Variants in LRRC9 observed in about 807,000 individuals in gnomAD.
The protein encoded by LRRC9 is leucine rich repeat containing 9.
Under a neutral mutation model 63.2 loss-of-function variants are expected in LRRC9, and 122 were observed. The observed-to-expected ratio is 1.93, with a 90% confidence interval of 1.67 to 2.24. LRRC9 has a LOEUF of 2.24. LRRC9 is among the 30% of genes most tolerant of loss of function. The pLI, the probability that LRRC9 is intolerant of heterozygous loss-of-function variation, is 0.00. For synonymous variants in LRRC9, 366 were observed against 213.1 expected, an observed-to-expected ratio of 1.72 and a Z score of -6.25; for missense variants, 1,071 against 627.7, an observed-to-expected ratio of 1.71 and a Z score of -7.55.
chr14:59,978,375 ATACATTGAAAC>A (rs1306221829), intron 15 of LRRC9, among the ~76,000 whole-genome samples: 2 of 152,224 alleles, frequency 1.3e-5, no homozygotes, highest in Admixed American at 1.3e-4. Context: ...AAGATTCAAA[ATACATTGAAAC>A]TACATTGAAG....
chr14:60,061,576 T>C (rs1894661251), intron 31 of LRRC9, among the ~76,000 whole-genome samples: 1 of 152,236 alleles, frequency 6.6e-6, no homozygotes, highest in Admixed American at 6.5e-5. Context: ...TGACTCACTT[T>C]ATTGCAATGG....
rs1566902916 is a variant in LRRC9 at position 60,042,551 on chromosome 14, T to TGGGATCCTCCAAGCCAC, written c.3990+10489_3990+10490insGGATCCTCCAAGCCACG. ...CGTGGGCATGGGATCCTCCAAGCCATGCGCGGGATATAATCTCCTGTTGTG... is the reference window on the plus strand; with the variant it reads ...CGTGGGCATGGGATCCTCCAAGCCATGGGATCCTCCAAGCCACGCGCGGGATATAATCTCCTGTTGTG... On this transcript the variant is annotated intron_variant, in intron 29 of 31. Transcript: ENST00000445360. The surrounding 1 kb of genome is among the most constrained non-coding windows in gnomAD (Gnocchi z 4.2). Among the ~76,000 whole-genome samples, 2 of 152,178 alleles carry TGGGATCCTCCAAGCCAC rather than the reference T, an allele frequency of 1.3e-5. No individual in the cohort carries two copies. Among genetic ancestry groups the TGGGATCCTCCAAGCCAC allele is most frequent in the Non-Finnish European group, 2.9e-5 (2 of 68,030 alleles).
rs775667244 is a variant in LRRC9, at chr14:59,936,757, T to C, written c.544-1633T>C. Among the ~76,000 whole-genome samples the C allele has an allele frequency of 2.0e-5, 3 of 152,176 alleles. No homozygotes were observed. Among genetic ancestry groups the C allele is most frequent in the Non-Finnish European group, 4.4e-5 (3 of 68,026 alleles). Reference sequence around the variant, plus strand: ...GCATAGGCTCAGCCCAAGCCTCAGGTCAGACCAGTGAGCCACATTCTCACT... The same window carrying C: ...GCATAGGCTCAGCCCAAGCCTCAGGCCAGACCAGTGAGCCACATTCTCACT... On this transcript the variant is annotated intron_variant, in intron 6 of 31. Transcript: ENST00000445360. This position sits in a 1 kb window ranked among gnomAD's most constrained non-coding sequence, Gnocchi z 4.2.
Position 59,966,635 on chromosome 14 carries a change from G to C in LRRC9, c.1258G>C (p.Asp420His). The change falls in exon 11 of 32, where the codon GAC becomes CAC. Residue 420 changes from aspartate to histidine, a missense_variant. Asp to His is a moderately conservative substitution (Grantham distance 81, BLOSUM62 -1). Transcript: ENST00000445360. This position sits in a 1 kb window ranked among gnomAD's most constrained non-coding sequence, Gnocchi z 4.0. ...AATTCTGTCACGTTTTTGTGCCTGG[G>C]ACTTCAGAACATACGGTATTACAGG... 1.4e-6 allele frequency: 1 copy of C among 692,688 alleles called. No homozygotes were observed. The highest frequency in any genetic ancestry group is 2.7e-5 in the East Asian group (1 of 37,136). 42.9% of individuals were successfully genotyped at this position (692,688 alleles called of 1,614,324 possible).
chr14:59,980,946 A>C (rs1288898638), intron 15 of LRRC9, among the ~76,000 whole-genome samples: 2 of 152,008 alleles, frequency 1.3e-5, no homozygotes, highest in African/African-American at 4.8e-5. Flanking sequence ...GTGATGATTC[A>C]ATTCTTTCTT....
At chr14:59,941,034 C>T (rs1477162534) in intron 7 of LRRC9, among the ~76,000 whole-genome samples, 1 of 151,842 alleles carries the variant, frequency 6.6e-6, no homozygotes, top group Non-Finnish European at 1.5e-5. Flanking sequence ...TTCCCTCTTT[C>T]CCCAAAATCT....
At chr14:60,063,653 A>G (rs778184997), downstream of LRRC9, 20 of 330,844 alleles carry the variant, frequency 6.0e-5, no homozygotes, top group Non-Finnish European at 9.3e-5. Context: ...CAAAAGTGAC[A>G]TGAAACAAAG....
chr14:59,971,371 C>T (rs1427850063), intron 12 of LRRC9, among the ~76,000 whole-genome samples: 1 of 152,112 alleles, frequency 6.6e-6, no homozygotes, highest in African/African-American at 2.4e-5. Flanking sequence ...TTTGATGCCT[C>T]CAGCATTATT....
rs1423472556 is a variant in LRRC9 at position 59,922,155 on chromosome 14, C to G, written c.-34+2272C>G. Among the ~76,000 whole-genome samples, 1 of 151,488 alleles carries G rather than the reference C, an allele frequency of 6.6e-6. No homozygotes were observed. Among genetic ancestry groups the G allele is most frequent in the Non-Finnish European group, 1.5e-5 (1 of 67,838 alleles). ...AAAGCACAAAGTAAGTTTGAAATAA[C>G]AAGTAGAGAGAAGCCAAGGAGAAAA... is the stretch of plus-strand genomic sequence containing the variant. On this transcript the variant is annotated intron_variant, in intron 1 of 31. Coordinates refer to ENST00000445360, the Ensembl canonical transcript of LRRC9. The surrounding 1 kb of genome is among the most constrained non-coding windows in gnomAD (Gnocchi z 5.3).
chr14:60,062,369 A>G (rs1469655407), intron 31 of LRRC9, among the ~76,000 whole-genome samples, 190 bp downstream of exon 32: 1 of 152,202 alleles, frequency 6.6e-6, no homozygotes, highest in Non-Finnish European at 1.5e-5. Flanking sequence ...CCCAAAGTCC[A>G]GTGTATTTAC....
At chr14:60,025,557 G>C (rs1035542875) in intron 27 of LRRC9, among the ~76,000 whole-genome samples, 1 of 151,842 alleles carries the variant, frequency 6.6e-6, no homozygotes, top group African/African-American at 2.4e-5. Flanking sequence ...AAGTGAGGCA[G>C]TTTACTCTGA....
chr14:60,041,870 T>C (rs943383484), intron 29 of LRRC9, among the ~76,000 whole-genome samples: 3 of 152,212 alleles, frequency 2.0e-5, no homozygotes, highest in African/African-American at 4.8e-5. Context: ...TTTTTCCCCA[T>C]CTTTGTGGTT....
intron 19 of LRRC9, among the ~76,000 whole-genome samples, chr14:60,000,461 T>G (rs1341212367): frequency 6.6e-6 from 1 of 152,112 alleles, no homozygotes; most frequent in African/African-American, 2.4e-5. Context: ...AAAATTAGTT[T>G]TTTAAAAAGA....
At chr14:60,040,358 G>T (rs1892840062) in intron 29 of LRRC9, among the ~76,000 whole-genome samples, 1 of 151,686 alleles carries the variant, frequency 6.6e-6, no homozygotes, top group African/African-American at 2.4e-5. Context: ...TTGACAGTGG[G>T]GTGTTAAAGT....
chr14:60,031,840 CAAG>C lies in LRRC9; in HGVS notation c.3922-152_3922-150del, dbSNP rs1425499066. On this transcript the variant is annotated intron_variant, in intron 28 of 31. Transcript: ENST00000445360. The surrounding 1 kb of genome is among the most constrained non-coding windows in gnomAD (Gnocchi z 4.6). ...TACAGTACACAGCTCTGCCTTTATT[CAAG>C]AATACAGAATACTGTCACTCAAGCT... is the stretch of plus-strand genomic sequence containing the variant. Among the ~76,000 whole-genome samples the C allele has an allele frequency of 6.6e-6, 1 of 152,048 alleles. No individual in the cohort carries two copies. The highest frequency in any genetic ancestry group is 1.5e-5 in the Non-Finnish European group (1 of 67,966).
chr14:60,047,252 C>T (rs1893512216), intron 29 of LRRC9, among the ~76,000 whole-genome samples: 1 of 152,108 alleles, frequency 6.6e-6, no homozygotes, highest in South Asian at 2.1e-4. Flanking sequence ...CTATTTCTTT[C>T]TTTCTTTTGC....
intron 27 of LRRC9, among the ~76,000 whole-genome samples, chr14:60,026,781 G>A (rs1891589089): frequency 6.6e-6 from 1 of 151,932 alleles, no homozygotes; most frequent in Non-Finnish European, 1.5e-5. Context: ...TGTGTTCTTA[G>A]CACCTTTGTT....
At position 60,003,744 on chromosome 14, in the gene LRRC9, T is replaced by C. The variant is rs1402750789; in HGVS notation, c.2788T>C (p.Cys930Arg). Residue 930 changes from cysteine (C) to arginine (R), a missense_variant, in exon 21 of 32, where the codon TGT becomes CGT. Cys to Arg is a radical substitution (Grantham distance 180, BLOSUM62 -3). Coordinates refer to ENST00000445360, the Ensembl canonical transcript of LRRC9. The surrounding 1 kb of genome is among the most constrained non-coding windows in gnomAD (Gnocchi z 4.2). Reference sequence around the variant, plus strand: ...CACTAAAATGGAGGGTCTGGAATCCTGTATTAACTTGGAAGAGCTCACATT... The same window carrying C: ...CACTAAAATGGAGGGTCTGGAATCCCGTATTAACTTGGAAGAGCTCACATT... 1.5e-6 allele frequency: 1 copy of C among 686,626 alleles called. No individual in the cohort carries two copies. The highest frequency in any genetic ancestry group is 2.7e-5 in the East Asian group (1 of 36,522). The allele number at this position is 686,626 out of a possible 1,614,324, so 42.5% of individuals were successfully genotyped here.
chr14:60,011,317 G>C (rs559005554), intron 23 of LRRC9, among the ~76,000 whole-genome samples: 2 of 152,162 alleles, frequency 1.3e-5, no homozygotes, highest in African/African-American at 2.4e-5. Context: ...AACAGCACAG[G>C]AAAAACCCAC....
Sources: allele counts gnomAD v4.1 joint callset (sites outside exome capture counted in the v4.1 genomes callset), GRCh38; gene constraint gnomAD v4.1.1; non-coding constraint Gnocchi (gnomAD v3.1); transcripts MANE v1.5; gene names NCBI Gene and HGNC (gene_info 2026-07-23, HGNC 2026-07-21).